Variants in TMPRSS11B observed in about 807,000 individuals in gnomAD.
TMPRSS11B encodes the protein transmembrane protease serine 11B.
In TMPRSS11B, 53 loss-of-function variants were observed where a neutral mutation model predicts 44.7. The observed-to-expected ratio is 1.19, with a 90% CI of 0.95 to 1.49. The LOEUF is 1.49. Ranked by LOEUF, TMPRSS11B falls within the 40% of genes most tolerant of loss-of-function variation. TMPRSS11B has a pLI of 0.00. For missense variants in TMPRSS11B, 526 were observed against 494.8 expected (o/e 1.06, Z -0.60); for synonymous variants, 140 against 159.2 (o/e 0.88, Z 0.91).
rs1262704114 is a variant in TMPRSS11B, at chr4:68,231,272, C to G, written c.617G>C (p.Gly206Ala). The G allele has an allele frequency of 6.2e-7, 1 of 1,613,724 alleles. No individual in the cohort carries two copies. ...WPWQASMQWK[G>A]RHYCGASLIS... Reference sequence around the variant, plus strand: ...CAGAGAGGCTCCACAGTAGTGACGGCCTTTCCATTGCATGCTGGCCTGCCA... The same window carrying G: ...CAGAGAGGCTCCACAGTAGTGACGGGCTTTCCATTGCATGCTGGCCTGCCA... The change falls in exon 7 of 10, where the codon GGC (glycine) becomes GCC (alanine). Residue 206 changes from glycine to alanine, a missense_variant. By Grantham distance (60) the Gly-to-Ala change is moderately conservative. Coordinates refer to ENST00000332644, the MANE Select transcript of TMPRSS11B (RefSeq NM_182502.3).
intron 5 of TMPRSS11B, 98 bp downstream of exon 5, chr4:68,234,365 C>A (rs912897782): frequency 3.0e-6 from 4 of 1,339,096 alleles, no homozygotes; most frequent in Non-Finnish European, 4.0e-6. Flanking sequence ...ATTTTTTTCC[C>A]GAATTACTAA....
chr4:68,242,354 A>T (rs1210561791), intron 1 of TMPRSS11B, among the ~76,000 whole-genome samples: 7 of 27,472 alleles, frequency 2.5e-4, no homozygotes, highest in Admixed American at 2.1e-3. Flanking sequence ...ATTATATATA[A>T]TATTATATTA....
chr4:68,237,308 T>C (rs1719699262), intron 2 of TMPRSS11B, among the ~76,000 whole-genome samples: 1 of 152,200 alleles, frequency 6.6e-6, no homozygotes, highest in Admixed American at 6.5e-5. Context: ...ATGGTGTATA[T>C]GTGCCATATT....
In TMPRSS11B at chr4:68,231,188, A is replaced by G; in HGVS notation, c.686+15T>C. The G allele has an allele frequency of 6.3e-7, 1 of 1,592,844 alleles. No homozygotes were observed. The highest frequency in any genetic ancestry group is 8.6e-7 in the Non-Finnish European group (1 of 1,169,292). On this transcript the variant is annotated intron_variant, in intron 7 of 9. Transcript: ENST00000332644. ...GCACCTAGCATCCTTCATTTAGTCA[A>G]ATTTTCAAACTTACTTAGCAAAGCA... is the stretch of plus-strand genomic sequence containing the variant.
Position 68,229,246 on chromosome 4 carries a change from A to G in TMPRSS11B, c.946+11T>C, listed in dbSNP as rs1186562375. 3.8e-6 allele frequency: 6 copies of G among 1,580,306 alleles called. No individual in the cohort carries two copies. Among genetic ancestry groups the G allele is most frequent in the East Asian group, 2.2e-5 (1 of 44,474 alleles). On this transcript the variant is annotated intron_variant, in intron 8 of 9. Transcript: ENST00000332644. ...CCCATGCAGCTATTATGATTTTACA[A>G]AAAAACTTACCATTCATATAAAGTG...
intron 1 of TMPRSS11B, among the ~76,000 whole-genome samples, chr4:68,242,302 AAT>A (rs1490540294): frequency 3.2e-4 from 20 of 61,894 alleles, no homozygotes; most frequent in South Asian, 2.6e-3. Flanking sequence ...TACATAATAT[AAT>A]ATATATAATA....
intron 4 of TMPRSS11B, among the ~76,000 whole-genome samples, chr4:68,235,177 A>G (rs1469527869): frequency 2.0e-5 from 3 of 152,218 alleles, no homozygotes; most frequent in Non-Finnish European, 4.4e-5. Flanking sequence ...TATATTCAGT[A>G]CATTCTTTTG....
Position 68,236,198 on chromosome 4 carries a change from C to A in TMPRSS11B, c.193G>T (p.Ala65Ser), listed in dbSNP as rs749287736. Residue 65 changes from alanine to serine, a missense_variant, in exon 3 of 10, where the codon GCA becomes TCA. By Grantham distance (99) the Ala-to-Ser change is moderately conservative (BLOSUM62 1). Coordinates refer to ENST00000332644, the MANE Select transcript of TMPRSS11B (RefSeq NM_182502.3). ...AGATTTGTGCTGGCTTGTGAAGCTG[C>A]GTTTTCACAATTATCATTGTATGTG... ...GVTYNDNCEN[A>S]ASQASTNLSK... The A allele has an allele frequency of 5.0e-6, 8 of 1,612,336 alleles. No individual in the cohort carries two copies. Among genetic ancestry groups the A allele is most frequent in the Non-Finnish European group, 6.8e-6 (8 of 1,179,240 alleles).
chr4:68,233,283 G>T (rs1299011599), intron 5 of TMPRSS11B, among the ~76,000 whole-genome samples: 11 of 152,170 alleles, frequency 7.2e-5, no homozygotes, highest in Non-Finnish European at 1.6e-4. Context: ...GGTCTTTATT[G>T]TGTGGCAAAA....
intron 2 of TMPRSS11B, among the ~76,000 whole-genome samples, chr4:68,240,527 C>T (rs996846557): frequency 2.0e-5 from 3 of 152,094 alleles, no homozygotes; most frequent in Non-Finnish European, 4.4e-5. Flanking sequence ...GACCTTGCTT[C>T]CCCAGGAAAG....
intron 7 of TMPRSS11B, among the ~76,000 whole-genome samples, chr4:68,230,875 T>G (rs919535161): frequency 6.6e-6 from 1 of 151,994 alleles, no homozygotes; most frequent in Non-Finnish European, 1.5e-5. Flanking sequence ...CTTAGTTTCC[T>G]CATCTTCAAA....
At chr4:68,233,379 G>C (rs1356350358) in intron 5 of TMPRSS11B, among the ~76,000 whole-genome samples, 1 of 152,150 alleles carries the variant, frequency 6.6e-6, no homozygotes, top group Non-Finnish European at 1.5e-5. Flanking sequence ...CATGAAACTG[G>C]ACTCTGAAAT....
chr4:68,234,415 T>A (rs1719603742), intron 5 of TMPRSS11B, 48 bp downstream of exon 5: 3 of 1,547,846 alleles, frequency 1.9e-6, no homozygotes, highest in South Asian at 2.4e-5. Context: ...AAAAAAATAA[T>A]CCAGAAAAAA....
Position 68,234,480 on chromosome 4 carries a change from G to A in TMPRSS11B, c.452C>T (p.Ala151Val), listed in dbSNP as rs981086794. 1 of 1,613,644 alleles carries A rather than the reference G, an allele frequency of 6.2e-7. No individual in the cohort carries two copies. The highest frequency in any genetic ancestry group is 1.3e-5 in the African/African-American group (1 of 74,912). The stretch of plus-strand genomic sequence containing the variant: ...TCAAATACCCATGAGTTTAATGGAA[G>A]CAGGAACTGCATTCCAGGATGCCAT... ...NNMASWNAVPASIKLMEISKA... is the reference protein window; with the variant it reads ...NNMASWNAVPVSIKLMEISKA... The change falls in exon 5 of 10, where the codon GCT (alanine) becomes GTT (valine). Residue 151 changes from alanine (A) to valine (V), a missense_variant. Coordinates refer to ENST00000332644, the MANE Select transcript of TMPRSS11B (RefSeq NM_182502.3).
chr4:68,239,178 G>A (rs2109962579), intron 2 of TMPRSS11B, among the ~76,000 whole-genome samples: 1 of 152,244 alleles, frequency 6.6e-6, no homozygotes, highest in South Asian at 2.1e-4. Context: ...GGTTAAATGG[G>A]GTCATAAGGT....
At chr4:68,242,724 C>A (rs993857350) in intron 1 of TMPRSS11B, among the ~76,000 whole-genome samples, 1 of 151,640 alleles carries the variant, frequency 6.6e-6, no homozygotes, top group African/African-American at 2.4e-5. Context: ...GGGTGCACCA[C>A]CACACCCAGC....
At chr4:68,240,354 T>A (rs1719790966) in intron 2 of TMPRSS11B, among the ~76,000 whole-genome samples, 1 of 152,166 alleles carries the variant, frequency 6.6e-6, no homozygotes, top group Admixed American at 6.6e-5. Flanking sequence ...GGTAGGACAG[T>A]TCAAGTAATT....
At chr4:68,230,579 G>C (rs913781892) in intron 7 of TMPRSS11B, among the ~76,000 whole-genome samples, 1 of 151,412 alleles carries the variant, frequency 6.6e-6, no homozygotes, top group African/African-American at 2.4e-5. Flanking sequence ...TGAGGCAGGC[G>C]GATCACTTAA....
Position 68,245,540 on chromosome 4 carries a change from G to T in TMPRSS11B, c.8+11C>A, listed in dbSNP as rs762756850. 2.5e-6 allele frequency: 4 copies of T among 1,613,388 alleles called. No homozygotes were observed. The East Asian group carries it at 8.9e-5, about 36-fold the overall frequency. On this transcript the variant is annotated intron_variant, in intron 1 of 9. Transcript: ENST00000332644. ...TTGCCAACTTGCTCTCCCCAGTGAA[G>T]TCCCCTTTACCTGTACATAATGTTC...
Sources: allele counts gnomAD v4.1 joint callset (sites outside exome capture counted in the v4.1 genomes callset), GRCh38; gene constraint gnomAD v4.1.1; transcripts MANE v1.5; gene names NCBI Gene and HGNC (gene_info 2026-07-23, HGNC 2026-07-21).